Variants in DACH2 observed in about 807,000 individuals in gnomAD.
The protein encoded by DACH2 is dachshund family transcription factor 2.
DACH2 carries 17 observed loss-of-function variants against 35.8 expected under a neutral mutation model. The observed-to-expected ratio is 0.48, with a 90% CI of 0.33 to 0.71. DACH2 has a LOEUF of 0.71. Ranked by LOEUF, DACH2 falls within the 30% of genes least tolerant of loss-of-function variation. The pLI, the probability that DACH2 is intolerant of heterozygous loss-of-function variation, is 0.02. For missense variants in DACH2, 469 were observed against 472.7 expected (o/e 0.99, Z 0.07); for synonymous variants, 195 against 177.3 (o/e 1.10, Z -0.79).
intron 4 of DACH2, among the ~76,000 whole-genome samples, chrX:86,673,335 C>CAAAAAAAAAAAAA (rs56877612): frequency 2.3e-5 from 1 of 43,197 alleles, no homozygotes; most frequent in Non-Finnish European, 3.8e-5. Context: ...GACTCCGTCT[C>CAAAAAAAAAAAAA]AAAAAAAAAA....
chrX:86,258,132 T>A (rs2033559066), intron 1 of DACH2, among the ~76,000 whole-genome samples: 1 of 112,216 alleles, frequency 8.9e-6, no homozygotes, highest in Non-Finnish European at 1.9e-5. Flanking sequence ...CATTTTGGCA[T>A]ATTGGAAAAA....
intron 1 of DACH2, among the ~76,000 whole-genome samples, chrX:86,175,669 A>G (rs1041411333): frequency 1.8e-5 from 2 of 111,484 alleles, no homozygotes; most frequent in African/African-American, 6.5e-5. Flanking sequence ...GAAAGAGTGG[A>G]TGGGATCCGA....
intron 4 of DACH2, among the ~76,000 whole-genome samples, chrX:86,688,629 A>G (rs1478576558): frequency 8.9e-6 from 1 of 112,160 alleles, no homozygotes; most frequent in Non-Finnish European, 1.9e-5. Flanking sequence ...TTCCCATTGA[A>G]ACAATTGCAT....
At chrX:86,474,147 G>T (rs1211854655) in intron 2 of DACH2, among the ~76,000 whole-genome samples, 1 of 111,686 alleles carries the variant, frequency 9.0e-6, no homozygotes, top group Admixed American at 9.5e-5. Flanking sequence ...ATGCCTGTTT[G>T]CCATTTGTAT....
chrX:86,213,056 G>T (rs1217042064), intron 1 of DACH2, among the ~76,000 whole-genome samples: 2 of 111,347 alleles, frequency 1.8e-5, no homozygotes, highest in African/African-American at 6.5e-5. Context: ...TTTCCTAACA[G>T]TATTATATTA....
intron 1 of DACH2, among the ~76,000 whole-genome samples, chrX:86,249,556 T>C (rs987710546): frequency 1.5e-4 from 17 of 111,471 alleles, no homozygotes; most frequent in Admixed American, 4.8e-4. Context: ...AAATCACAGA[T>C]GCTGGTGATG....
At chrX:86,460,452 A>C (rs1226438161) in intron 2 of DACH2, among the ~76,000 whole-genome samples, 1 of 111,012 alleles carries the variant, frequency 9.0e-6, no homozygotes, top group Non-Finnish European at 1.9e-5. Context: ...ATTTGATTAC[A>C]CTACAGGTCA....
At chrX:86,160,602 T>G (rs1451900939) in intron 1 of DACH2, 2 of 498,629 alleles carry the variant, frequency 4.0e-6, no homozygotes, top group Non-Finnish European at 7.3e-6. Flanking sequence ...TGAGCAGTGA[T>G]GCCGGCTGCT....
At position 86,782,885 on chromosome X, in the gene DACH2, C is replaced by A. The variant is rs761127412; in HGVS notation, c.1241-29971C>A. Among the ~76,000 whole-genome samples the A allele has an allele frequency of 2.7e-4, 13 of 48,713 alleles. No homozygotes were observed. In the South Asian group the frequency reaches 0.012, roughly 43 times the overall value. 42.3% of individuals were successfully genotyped at this position (48,713 alleles called of 115,157 possible). ...TTGAGCAATACCCCACAACCACAGG[C>A]AATCAAAGGAAAAAAAAAATGGACA... On this transcript the variant is annotated intron_variant, in intron 7 of 11. Coordinates refer to ENST00000373125, the MANE Select transcript of DACH2 (RefSeq NM_053281.3).
At chrX:86,460,505 G>A (rs188333043) in intron 2 of DACH2, among the ~76,000 whole-genome samples, 1 of 110,412 alleles carries the variant, frequency 9.1e-6, no homozygotes, top group African/African-American at 3.3e-5. Context: ...CTTTGAAAGT[G>A]AATAAATATA....
chrX:86,312,132 G>A (rs1006275550), intron 1 of DACH2, among the ~76,000 whole-genome samples: 3 of 112,146 alleles, frequency 2.7e-5, no homozygotes, highest in Non-Finnish European at 5.6e-5. Flanking sequence ...TGTACCGGCT[G>A]CAGAAACGAG....
At chrX:86,203,663 G>T (rs1380082325) in intron 1 of DACH2, among the ~76,000 whole-genome samples, 1 of 111,381 alleles carries the variant, frequency 9.0e-6, no homozygotes, top group Non-Finnish European at 1.9e-5. Flanking sequence ...AACATTTTTT[G>T]TTGTAACAGC....
At chrX:86,749,354 G>A (rs935599047) in intron 7 of DACH2, among the ~76,000 whole-genome samples, 17 of 111,444 alleles carry the variant, frequency 1.5e-4, no homozygotes, top group Admixed American at 1.3e-3. Flanking sequence ...TCTAGCTTTC[G>A]ATTTAAAGCG....
In DACH2 at chrX:86,158,842, C is replaced by A. The variant is rs2030647811; in HGVS notation, c.488+9734C>A. Among the ~76,000 whole-genome samples the A allele has an allele frequency of 3.8e-5, 4 of 106,492 alleles. No homozygotes were observed. The Admixed American group carries it at 4.1e-4, about 11-fold the overall frequency. 92.5% of individuals were successfully genotyped at this position (106,492 alleles called of 115,157 possible). On this transcript the variant is annotated intron_variant, in intron 1 of 11. Transcript: ENST00000373125. ...CAGTAAACATTAGACTTTTTTCAGT[C>A]TTCGGAATTATACCAGAAAAGTCCA...
At chrX:86,658,884 G>T (rs1169772342) in intron 4 of DACH2, among the ~76,000 whole-genome samples, 1 of 111,386 alleles carries the variant, frequency 9.0e-6, no homozygotes, top group Non-Finnish European at 1.9e-5. Context: ...GAAAACCCAC[G>T]ATTATAACCA....
intron 3 of DACH2, 26 bp downstream of exon 3, chrX:86,514,417 C>A (rs1252849529): frequency 6.1e-6 from 7 of 1,156,251 alleles, no homozygotes; most frequent in Non-Finnish European, 8.2e-6. Flanking sequence ...TGATGATCAG[C>A]CATGTCTCTT....
At chrX:86,530,098 G>A (rs1216116225) in intron 3 of DACH2, among the ~76,000 whole-genome samples, 1 of 110,266 alleles carries the variant, frequency 9.1e-6, no homozygotes, top group Non-Finnish European at 1.9e-5. Flanking sequence ...GTGAACAAGG[G>A]CATAGAGAAG....
intron 1 of DACH2, among the ~76,000 whole-genome samples, chrX:86,338,254 A>G (rs137996278): frequency 0.017 from 1,909 of 111,945 alleles, 31 homozygotes; most frequent in African/African-American, 0.056. Flanking sequence ...CCAAATCAAT[A>G]GAATATACAT....
At chrX:86,188,629 T>C (rs2031746651) in intron 1 of DACH2, among the ~76,000 whole-genome samples, 1 of 111,951 alleles carries the variant, frequency 8.9e-6, no homozygotes, top group Non-Finnish European at 1.9e-5. Flanking sequence ...AAAAGGGGCC[T>C]TTTAAGACCA....
Sources: allele counts gnomAD v4.1 joint callset (sites outside exome capture counted in the v4.1 genomes callset), GRCh38; gene constraint gnomAD v4.1.1; transcripts MANE v1.5; gene names NCBI Gene and HGNC (gene_info 2026-07-23, HGNC 2026-07-21).